Variants in SSBP2 observed in about 807,000 individuals in gnomAD.
SSBP2 encodes the protein single stranded DNA binding protein 2, also known as single-stranded DNA-binding protein 2.
In SSBP2, 17 loss-of-function variants were observed where a neutral mutation model predicts 61.8. The ratio of observed to expected loss-of-function variants is 0.28; its 90% confidence interval spans 0.19 to 0.41. The LOEUF is 0.41. SSBP2 is among the 10% of genes least tolerant of loss of function. SSBP2 has a pLI of 1.00. For missense variants in SSBP2, 310 were observed against 458.7 expected (o/e 0.68, Z 2.96); for synonymous variants, 139 against 141.3 (o/e 0.98, Z 0.12).
chr5:81,703,019 G>A (rs1038266803), intron 1 of SSBP2, among the ~76,000 whole-genome samples: 22 of 152,228 alleles, frequency 1.4e-4, no homozygotes, highest in Middle Eastern at 6.8e-3. Context: ...TTTAATGAGG[G>A]ATTTTTGTCT....
intron 3 of SSBP2, among the ~76,000 whole-genome samples, chr5:81,619,437 G>A (rs1260834579): frequency 2.3e-4 from 16 of 69,502 alleles, no homozygotes; most frequent in Non-Finnish European, 3.8e-4. Context: ...ACCAATAACA[G>A]GCTCTGAAAT....
At chr5:81,747,030 G>A (rs909291980) in intron 1 of SSBP2, among the ~76,000 whole-genome samples, 6 of 138,396 alleles carry the variant, frequency 4.3e-5, no homozygotes, top group African/African-American at 5.2e-5. Context: ...CCTGGGGGGG[G>A]GGGGAATCTG....
At chr5:81,553,378 A>G (rs755504885) in intron 4 of SSBP2, among the ~76,000 whole-genome samples, 1 of 152,174 alleles carries the variant, frequency 6.6e-6, no homozygotes, top group Non-Finnish European at 1.5e-5. Context: ...GGGAAATAGC[A>G]GGATTGTGAT....
chr5:81,537,617 C>A (rs912712990), intron 4 of SSBP2, among the ~76,000 whole-genome samples: 3 of 152,178 alleles, frequency 2.0e-5, no homozygotes, highest in Admixed American at 6.6e-5. Context: ...AGCATGTGCT[C>A]ATTCAGGTCT....
chr5:81,622,120 T>TAAAAAAAAAAAAAAAAAAA (rs76185243), intron 3 of SSBP2, among the ~76,000 whole-genome samples: 1 of 127,048 alleles, frequency 7.9e-6, no homozygotes. Flanking sequence ...AAAAAAAAAT[T>TAAAAAAAAAAAAAAAAAAA]AAAAAAAAAA....
In SSBP2 at chr5:81,415,504, T is replaced by C. The variant is rs1761270366; in HGVS notation, c.*5000A>G. The C allele has an allele frequency of 6.6e-6, 1 of 152,158 alleles. No homozygotes were observed. Among genetic ancestry groups the C allele is most frequent in the African/African-American group, 2.4e-5 (1 of 41,438 alleles). 9.4% of individuals were successfully genotyped at this position (152,158 alleles called of 1,614,324 possible). A position where few individuals can be genotyped will look rare whatever the true frequency, so the allele number is the denominator to read the frequency against. ...TTTGTAATTATTGTTGTATTATTGG[T>C]TTTTATTGTTATAAAAATTTTTTCC... is the stretch of plus-strand genomic sequence containing the variant. On this transcript the variant is annotated 3_prime_UTR_variant, in exon 17 of 17. Transcript: ENST00000320672.
chr5:81,428,558 G>C (rs763932368), intron 16 of SSBP2, 27 bp downstream of exon 16: 1 of 1,555,568 alleles, frequency 6.4e-7, no homozygotes, highest in Non-Finnish European at 8.9e-7. Context: ...TAAAATTTGA[G>C]TATAATATAG....
chr5:81,564,398 G>C (rs1773277863), intron 4 of SSBP2, among the ~76,000 whole-genome samples: 1 of 152,204 alleles, frequency 6.6e-6, no homozygotes, highest in Admixed American at 6.5e-5. Flanking sequence ...AGCTGCCTCA[G>C]TACCTCACAG....
intron 1 of SSBP2, among the ~76,000 whole-genome samples, chr5:81,712,985 C>T (rs906960546): frequency 7.9e-5 from 12 of 151,966 alleles, no homozygotes; most frequent in Non-Finnish European, 1.3e-4. Flanking sequence ...ACCTCAGCCT[C>T]CCAAATTACT....
intron 4 of SSBP2, among the ~76,000 whole-genome samples, chr5:81,527,635 A>G (rs769440713): frequency 7.9e-5 from 12 of 151,934 alleles, no homozygotes; most frequent in Non-Finnish European, 1.3e-4. Flanking sequence ...CACACCCCCT[A>G]ATTTGTTTAG....
intron 1 of SSBP2, among the ~76,000 whole-genome samples, chr5:81,722,373 C>T (rs1454636053): frequency 1.3e-5 from 2 of 150,432 alleles, no homozygotes; most frequent in Non-Finnish European, 3.0e-5. Context: ...AGGTCAGTCG[C>T]CTTACTCTCT....
At chr5:81,568,985 C>T (rs970693391) in intron 4 of SSBP2, among the ~76,000 whole-genome samples, 5 of 152,166 alleles carry the variant, frequency 3.3e-5, no homozygotes, top group East Asian at 1.9e-4. Flanking sequence ...GACCTTTCAA[C>T]GTCTTGATGA....
intron 6 of SSBP2, 32 bp downstream of exon 6, chr5:81,489,218 T>C (rs375731831): frequency 1.7e-5 from 26 of 1,559,120 alleles, no homozygotes; most frequent in Non-Finnish European, 2.2e-5. Flanking sequence ...CTTTGATTCT[T>C]ACAAAAAACT....
At position 81,417,321 on chromosome 5, in the gene SSBP2, G is replaced by A. The variant is rs1477096930; in HGVS notation, c.*3183C>T. 1 of 152,096 alleles carries A rather than the reference G, an allele frequency of 6.6e-6. No individual in the cohort carries two copies. 9.4% of individuals were successfully genotyped at this position (152,096 alleles called of 1,614,324 possible). ...ACACCCTACAGCCTTTGTTCCCATG[G>A]GCAACTTTGCTGTAAGACACGTAGT... On this transcript the variant is annotated 3_prime_UTR_variant, in exon 17 of 17. Coordinates refer to ENST00000320672, the MANE Select transcript of SSBP2 (RefSeq NM_012446.5).
At chr5:81,450,325 T>G (rs974280502) in intron 10 of SSBP2, among the ~76,000 whole-genome samples, 8 of 152,284 alleles carry the variant, frequency 5.3e-5, no homozygotes, top group African/African-American at 1.9e-4. Context: ...CTGGGCCTAC[T>G]TCTCTTTATT....
chr5:81,447,380 C>A (rs183772753), intron 11 of SSBP2, among the ~76,000 whole-genome samples: 2 of 152,284 alleles, frequency 1.3e-5, no homozygotes, highest in Non-Finnish European at 2.9e-5. Flanking sequence ...CTGTCAGCAT[C>A]AATTGCAACG....
intron 1 of SSBP2, among the ~76,000 whole-genome samples, chr5:81,664,154 A>AC (rs1440283079): frequency 7.0e-6 from 1 of 142,970 alleles, no homozygotes; most frequent in African/African-American, 2.6e-5. Flanking sequence ...ACAGAATCTC[A>AC]CTCTATTGCC....
rs191596120 is a variant in SSBP2 at position 81,730,445 on chromosome 5, G to A, written c.62+20536C>T. On this transcript the variant is annotated intron_variant, in intron 1 of 16. Coordinates refer to ENST00000320672, the MANE Select transcript of SSBP2 (RefSeq NM_012446.5). ...TCACCATGTTGGCCAGGCTGGTCTC[G>A]AGCTCCTGACCTCAGGTGATCCACC... 8.3e-3 allele frequency among the ~76,000 whole-genome samples: 1,268 copies of A among 152,180 alleles called. 14 individuals are homozygous for A. Among genetic ancestry groups the A allele is most frequent in the African/African-American group, 0.028 (1,166 of 41,512 alleles).
At chr5:81,669,025 T>A (rs988675065) in intron 1 of SSBP2, among the ~76,000 whole-genome samples, 5 of 152,138 alleles carry the variant, frequency 3.3e-5, no homozygotes, top group African/African-American at 1.2e-4. Flanking sequence ...TATGATAGGG[T>A]TTTTTACTGA....
Sources: allele counts gnomAD v4.1 joint callset (sites outside exome capture counted in the v4.1 genomes callset), GRCh38; gene constraint gnomAD v4.1.1; transcripts MANE v1.5; gene names NCBI Gene and HGNC (gene_info 2026-07-23, HGNC 2026-07-21).